Variants in HEATR4 observed in about 807,000 individuals in gnomAD.
The protein encoded by HEATR4 is HEAT repeat-containing protein 4.
A neutral mutation model predicts 108.8 loss-of-function variants in HEATR4; 95 were observed. The observed-to-expected ratio is 0.87, with a 90% confidence interval of 0.74 to 1.04. HEATR4 has a LOEUF of 1.04. HEATR4 is among the 50% of genes least tolerant of loss of function. The pLI, the probability that HEATR4 is intolerant of heterozygous loss-of-function variation, is 0.00. For missense variants in HEATR4, 1,152 were observed against 1,253.8 expected, an observed-to-expected ratio of 0.92 and a Z score of 1.23; for synonymous variants, 443 against 459.4, an observed-to-expected ratio of 0.96 and a Z score of 0.46.
Position 73,541,717 on chromosome 14 carries a change from A to G in HEATR4, c.-151-11473T>C, listed in dbSNP as rs1889093939. The G allele has an allele frequency of 1.6e-6, 2 of 1,225,684 alleles. 1 individual carries two copies. The allele number at this position is 1,225,684 out of a possible 1,614,324, so 75.9% of individuals were successfully genotyped here. A position where few individuals can be genotyped will look rare whatever the true frequency, so the allele number is the denominator to read the frequency against. On this transcript the variant is annotated intron_variant, in intron 1 of 17. Coordinates refer to ENST00000553558, the MANE Select transcript of HEATR4 (RefSeq NM_001220484.1). ...TGAGGTGAGTTCTTCTCTCAGATTT[A>G]TGGGCTATGATGTATCAGGTCTCTT...
At chr14:73,600,109 T>A in the HEATR4 span, among the ~76,000 whole-genome samples, 4 of 152,096 alleles carry the variant, frequency 2.6e-5, no homozygotes, top group South Asian at 6.2e-4. Context: ...AATACAATGG[T>A]GGGAGAAGTA....
At position 73,520,824 on chromosome 14, in the gene HEATR4, C is replaced by T. The variant is rs373481241; in HGVS notation, c.1069+28G>A. The T allele has an allele frequency of 8.3e-5, 133 of 1,599,558 alleles. No individual in the cohort carries two copies. In the African/African-American group the frequency reaches 1.6e-3, roughly 20 times the overall value. On this transcript the variant is annotated intron_variant, in intron 4 of 17. Coordinates refer to ENST00000553558, the MANE Select transcript of HEATR4 (RefSeq NM_001220484.1). ...CTTCCTGGCCCATGTCCCCGTGTGC[C>T]CCTACCACAGGGGCCCAGCTCTATT... is the stretch of plus-strand genomic sequence containing the variant.
the HEATR4 span, among the ~76,000 whole-genome samples, chr14:73,617,422 C>T: frequency 6.6e-6 from 1 of 152,116 alleles, no homozygotes; most frequent in Non-Finnish European, 1.5e-5. Flanking sequence ...CAAGACCAGC[C>T]TGGGCAACAT....
the HEATR4 span, among the ~76,000 whole-genome samples, chr14:73,606,594 A>C: frequency 6.6e-6 from 1 of 152,222 alleles, no homozygotes; most frequent in Non-Finnish European, 1.5e-5. Flanking sequence ...AGGTGAACCC[A>C]TTGGGTGGTT....
chr14:73,506,239 G>T (rs1285460926), intron 10 of HEATR4, among the ~76,000 whole-genome samples: 1 of 152,048 alleles, frequency 6.6e-6, no homozygotes, highest in Admixed American at 6.6e-5. Context: ...TTTCATTGTG[G>T]ATCAGTTACC....
chr14:73,561,218 T>C (rs903646156), upstream of HEATR4, among the ~76,000 whole-genome samples: 1 of 151,256 alleles, frequency 6.6e-6, no homozygotes, highest in Non-Finnish European at 1.5e-5. Context: ...ATACAAAAAT[T>C]AGCCAGGCGT....
chr14:73,491,246 G>C (rs565723284), intron 17 of HEATR4: 1 of 1,586,292 alleles, frequency 6.3e-7, no homozygotes, highest in Non-Finnish European at 8.6e-7. Flanking sequence ...CGACCTGGGG[G>C]ACGCGCTACC....
rs1889086496 is a variant in HEATR4, at chr14:73,541,523, T to C, written c.-151-11279A>G. 4 of 1,245,056 alleles carry C rather than the reference T, an allele frequency of 3.2e-6. 2 individuals carry two copies. Among genetic ancestry groups the C allele is most frequent in the Admixed American group, 4.8e-5 (2 of 41,584 alleles). 77.1% of individuals were successfully genotyped at this position (1,245,056 alleles called of 1,614,324 possible). A position where few individuals can be genotyped will look rare whatever the true frequency, so the allele number is the denominator to read the frequency against. Reference sequence around the variant, plus strand: ...GGGCCCTTTCCTGGCATTGTGGACATGTTCGGAACTGGAGGTGGCCTGCTG... The same window carrying C: ...GGGCCCTTTCCTGGCATTGTGGACACGTTCGGAACTGGAGGTGGCCTGCTG... On this transcript the variant is annotated intron_variant, in intron 1 of 17. Transcript: ENST00000553558.
chr14:73,575,576 G>A, the HEATR4 span: 4 of 1,551,162 alleles, frequency 2.6e-6, no homozygotes, highest in Non-Finnish European at 3.5e-6. Context: ...GCCACATTTA[G>A]TGTGTGTATG....
intron 2 of HEATR4, chr14:73,527,228 C>A (rs1341976824): frequency 6.6e-6 from 1 of 151,974 alleles, no homozygotes; most frequent in East Asian, 1.9e-4. Flanking sequence ...AAATACCTAA[C>A]TCTTCAATGT....
At chr14:73,605,522 G>T in the HEATR4 span, among the ~76,000 whole-genome samples, 4 of 140,614 alleles carry the variant, frequency 2.8e-5, no homozygotes, top group African/African-American at 1.0e-4. Context: ...AGAAATCATG[G>T]TTTAGGAATC....
chr14:73,538,979 A>T lies in HEATR4; in HGVS notation c.-151-8735T>A, dbSNP rs144623252. Among the ~76,000 whole-genome samples the T allele has an allele frequency of 9.5e-4, 111 of 116,340 alleles. 22 individuals carry two copies. Among genetic ancestry groups the T allele is most frequent in the African/African-American group, 3.0e-3 (107 of 35,772 alleles). 76.3% of individuals were successfully genotyped at this position (116,340 alleles called of 152,430 possible). On this transcript the variant is annotated intron_variant, in intron 1 of 17. Transcript: ENST00000553558. ...GTGAAACTCCATCTAAAACAAAAAC[A>T]AAAACAAAAAACAAACAACAACAAC...
At chr14:73,528,672 T>C (rs112433101) in intron 2 of HEATR4, among the ~76,000 whole-genome samples, 6,187 of 152,312 alleles carry the variant, frequency 0.041, 159 homozygotes, top group Middle Eastern at 0.088. Flanking sequence ...GTCTGATACC[T>C]GTTCTAATTT....
chr14:73,633,007 C>CTCT, the HEATR4 span, among the ~76,000 whole-genome samples: 44 of 122,058 alleles, frequency 3.6e-4, no homozygotes, highest in African/African-American at 8.0e-4. Context: ...CTCTCTCTCT[C>CTCT]TTTTTTTTTT....
intron 7 of HEATR4, among the ~76,000 whole-genome samples, chr14:73,509,960 G>A (rs192860691): frequency 1.3e-5 from 2 of 148,676 alleles, no homozygotes; most frequent in Admixed American, 6.8e-5. Context: ...TGCAAGCTCC[G>A]CCTCCTGGGT....
intron 17 of HEATR4, among the ~76,000 whole-genome samples, chr14:73,488,349 C>T (rs1415448446): frequency 2.6e-5 from 4 of 152,118 alleles, no homozygotes; most frequent in East Asian, 1.9e-4. Flanking sequence ...TGACTCACTG[C>T]GACCTCCACT....
the HEATR4 span, chr14:73,595,749 C>A: frequency 6.6e-6 from 9 of 1,367,710 alleles, no homozygotes; most frequent in Non-Finnish European, 8.7e-6. Flanking sequence ...AACATTAAAG[C>A]CATGTCTTTG....
the HEATR4 span, among the ~76,000 whole-genome samples, chr14:73,594,554 T>C: frequency 6.6e-6 from 1 of 152,220 alleles, no homozygotes; most frequent in African/African-American, 2.4e-5. Context: ...AGCCAGATAT[T>C]CTGCACATGG....
chr14:73,515,703 C>A (rs1300067642), intron 5 of HEATR4, among the ~76,000 whole-genome samples: 1 of 129,922 alleles, frequency 7.7e-6, no homozygotes, highest in African/African-American at 2.9e-5. Flanking sequence ...AAAAAAGAGT[C>A]CTGTGAGACT....
Sources: gnomAD v4.1 joint callset for allele counts (sites outside exome capture counted in the v4.1 genomes callset) on GRCh38, gnomAD v4.1.1 for gene constraint, MANE v1.5 for transcripts, NCBI Gene and HGNC (gene_info 2026-07-23, HGNC 2026-07-21) for gene names.